The following HUWE1 variants were observed in gnomAD, a reference collection of about 807,000 sequenced individuals.
The protein encoded by HUWE1 is HECT, UBA and WWE domain containing E3 ubiquitin protein ligase 1, also known as E3 ubiquitin-protein ligase HUWE1.
In HUWE1, 18 loss-of-function variants were observed where a neutral mutation model predicts 299.4. The ratio of observed to expected loss-of-function variants is 0.06; its 90% CI spans 0.04 to 0.09. The LOEUF (loss-of-function observed/expected upper bound fraction) is 0.09, where lower values mean the gene tolerates loss of function less well. HUWE1 is among the 10% of genes least tolerant of loss of function. The pLI, the probability that HUWE1 is intolerant of heterozygous loss-of-function variation, is 1.00. For synonymous variants in HUWE1, 1,317 were observed against 1,286.1 expected (o/e 1.02, Z -0.51); for missense variants, 1,832 against 3,462.3 (o/e 0.53, Z 11.82).
chrX:53,616,041 TAG>T (rs1211075395), intron 21 of HUWE1, among the ~76,000 whole-genome samples: 6 of 110,543 alleles, frequency 5.4e-5, no homozygotes, highest in Non-Finnish European at 7.6e-5. Flanking sequence ...GCCCTCCAAG[TAG>T]CTGGGACTAC....
chrX:53,601,875 C>T (rs1556991157), intron 28 of HUWE1, among the ~76,000 whole-genome samples: 3 of 109,157 alleles, frequency 2.7e-5, no homozygotes, highest in African/African-American at 1.0e-4. Context: ...TCTCCATGTT[C>T]GTCAGGCTGG....
At chrX:53,569,568 T>G (rs781892141) in intron 48 of HUWE1, 48 bp downstream of exon 48, 69 of 1,116,920 alleles carry the variant, frequency 6.2e-5, no homozygotes, top group Middle Eastern at 6.4e-4. Context: ...AGAAGAAGAA[T>G]AAGGGGATGT....
At chrX:53,563,878 C>A in intron 51 of HUWE1, 57 bp from the exon 52 acceptor site, 1 of 1,147,106 alleles carries the variant, frequency 8.7e-7, no homozygotes, top group Admixed American at 2.3e-5. Flanking sequence ...TGTGCTAGCA[C>A]CGAAACCCTA....
At chrX:53,685,060 T>C (rs1160671750) in intron 2 of HUWE1, among the ~76,000 whole-genome samples, 1 of 112,496 alleles carries the variant, frequency 8.9e-6, no homozygotes, top group Non-Finnish European at 1.9e-5. Flanking sequence ...CTCCAATAAA[T>C]CTTGGGATCC....
intron 78 of HUWE1, 130 bp downstream of exon 78, chrX:53,537,426 A>G (rs1488451596): frequency 4.2e-6 from 3 of 720,806 alleles, no homozygotes; most frequent in Non-Finnish European, 6.4e-6. Context: ...ATCTAAAACC[A>G]GATTCCTATG....
chrX:53,534,392 A>G (rs2060910990), intron 82 of HUWE1, 124 bp downstream of exon 82: 1 of 692,101 alleles, frequency 1.4e-6, no homozygotes, highest in African/African-American at 2.2e-5. Context: ...AGAGTTAGAT[A>G]TAGGTAGACT....
intron 25 of HUWE1, 43 bp from the exon 26 acceptor site, chrX:53,604,877 T>C (rs782002514): frequency 1.8e-6 from 2 of 1,129,080 alleles, no homozygotes; most frequent in East Asian, 6.0e-5. Flanking sequence ...TACAATGAAC[T>C]TCAAATTCAT....
intron 47 of HUWE1, among the ~76,000 whole-genome samples, chrX:53,573,544 G>A (rs782419240): frequency 1.8e-5 from 2 of 112,470 alleles, no homozygotes; most frequent in African/African-American, 6.5e-5. Context: ...CTAACCTCAG[G>A]TGATCCGCCT....
At chrX:53,677,305 A>C (rs1211076430) in intron 3 of HUWE1, among the ~76,000 whole-genome samples, 1 of 110,713 alleles carries the variant, frequency 9.0e-6, no homozygotes, top group African/African-American at 3.3e-5. Context: ...GATGTTCCCT[A>C]AAGTTTCAGA....
At chrX:53,603,874 T>G (rs1482049843) in intron 26 of HUWE1, among the ~76,000 whole-genome samples, 2 of 112,496 alleles carry the variant, frequency 1.8e-5, no homozygotes, top group Non-Finnish European at 3.8e-5. Flanking sequence ...GTACCTAGAT[T>G]TATTTAATTC....
chrX:53,626,155 T>C (rs1702844021), intron 17 of HUWE1: 1 of 294,514 alleles, frequency 3.4e-6, no homozygotes, highest in Non-Finnish European at 6.4e-6. Context: ...AGATCAGGAA[T>C]ACTGAACCCC....
At chrX:53,647,014 G>T (rs1305244782) in intron 6 of HUWE1, among the ~76,000 whole-genome samples, 1 of 111,816 alleles carries the variant, frequency 8.9e-6, no homozygotes, top group Non-Finnish European at 1.9e-5. Flanking sequence ...TTAATGTGAT[G>T]AGAAAATCAA....
intron 64 of HUWE1, 28 bp from the exon 65 acceptor site, chrX:53,551,217 C>G (rs782061742): frequency 8.3e-7 from 1 of 1,211,113 alleles, no homozygotes; most frequent in Non-Finnish European, 1.1e-6. Flanking sequence ...TCAATGAGGG[C>G]ATTTCTCCTG....
intron 43 of HUWE1, among the ~76,000 whole-genome samples, chrX:53,578,679 G>T (rs1602793670): frequency 1.2e-5 from 1 of 86,773 alleles, no homozygotes; most frequent in African/African-American, 4.4e-5. Context: ...GAGGGAGGTG[G>T]GGGGATCAGC....
At position 53,546,420 on chromosome X, in the gene HUWE1, T is replaced by G; in HGVS notation, c.10915+16A>C. On this transcript the variant is annotated intron_variant, in intron 70 of 83. Coordinates refer to ENST00000262854, the MANE Select transcript of HUWE1 (RefSeq NM_031407.7). ...GAAACCTTCAGAAAGAGAAAATGCT[T>G]TACTTCTGCTATTACCTATTTGTTT... The G allele has an allele frequency of 8.3e-7, 1 of 1,202,601 alleles. No individual in the cohort carries two copies. Among genetic ancestry groups the G allele is most frequent in the Non-Finnish European group, 1.1e-6 (1 of 888,716 alleles).
chrX:53,659,062 G>A (rs1557044181), intron 3 of HUWE1, among the ~76,000 whole-genome samples: 1 of 112,904 alleles, frequency 8.9e-6, no homozygotes, highest in African/African-American at 3.2e-5. Flanking sequence ...AAATGCTTGT[G>A]AGGATGTGGA....
Position 53,584,173 on chromosome X carries a change from T to C in HUWE1, c.5161+13A>G, listed in dbSNP as rs781825722. The C allele has an allele frequency of 2.5e-6, 3 of 1,203,570 alleles. No individual in the cohort carries two copies. Among genetic ancestry groups the C allele is most frequent in the Non-Finnish European group, 3.4e-6 (3 of 888,361 alleles). On this transcript the variant is annotated intron_variant, in intron 41 of 83. Transcript: ENST00000262854. ...GGCACATTAGCTTTAGGTAAAACAC[T>C]CTTGGTACATACCATTGCCTTTATT...
At chrX:53,618,976 GACTACAATA>G (rs1805625673) in intron 19 of HUWE1, among the ~76,000 whole-genome samples, 2 of 110,761 alleles carry the variant, frequency 1.8e-5, no homozygotes, top group East Asian at 2.8e-4. Flanking sequence ...CAACTCATAA[GACTACAATA>G]ACTACAATAA....
intron 23 of HUWE1, among the ~76,000 whole-genome samples, chrX:53,613,039 CCA>C (rs1270545633): frequency 4.5e-5 from 5 of 110,916 alleles, no homozygotes; most frequent in Non-Finnish European, 9.5e-5. Flanking sequence ...AAAAGGAACC[CCA>C]CACTCCAGTA....
Sources: allele counts gnomAD v4.1 joint callset (sites outside exome capture counted in the v4.1 genomes callset), GRCh38; gene constraint gnomAD v4.1.1; transcripts MANE v1.5; gene names NCBI Gene and HGNC (gene_info 2026-07-23, HGNC 2026-07-21).